Variants in AEBP2 observed in about 807,000 individuals in gnomAD.
The protein encoded by AEBP2 is zinc finger protein AEBP2.
Under a neutral mutation model 50.8 loss-of-function variants are expected in AEBP2, and 10 were observed. The ratio of observed to expected loss-of-function variants is 0.20; its 90% confidence interval spans 0.12 to 0.33. The LOEUF (loss-of-function observed/expected upper bound fraction) is 0.33, where lower values mean the gene tolerates loss of function less well. AEBP2 is among the 10% of genes least tolerant of loss of function. The pLI is 1.00. For missense variants in AEBP2, 570 were observed against 688.0 expected, an observed-to-expected ratio of 0.83 and a Z score of 1.92; for synonymous variants, 296 against 261.3, an observed-to-expected ratio of 1.13 and a Z score of -1.28.
intron 1 of AEBP2, among the ~76,000 whole-genome samples, chr12:19,433,518 G>A (rs1470605994): frequency 6.6e-6 from 1 of 152,186 alleles, no homozygotes; most frequent in African/African-American, 2.4e-5. Flanking sequence ...GGTGGTTCAT[G>A]CCTGTAATCC....
At chr12:19,457,234 T>A (rs1948284876) in intron 1 of AEBP2, 1 of 1,598,070 alleles carries the variant, frequency 6.3e-7, no homozygotes, top group Non-Finnish European at 8.5e-7. Flanking sequence ...GGCATGCTCC[T>A]AGGTTTGTCC....
At chr12:19,417,510 G>A (rs941585924) in intron 1 of AEBP2, among the ~76,000 whole-genome samples, 3 of 151,944 alleles carry the variant, frequency 2.0e-5, no homozygotes, top group South Asian at 2.1e-4. Flanking sequence ...GGGCTCAACC[G>A]ATTCTCCTGC....
chr12:19,494,143 CAT>C (rs1490512046), intron 4 of AEBP2, among the ~76,000 whole-genome samples, 157 bp downstream of exon 4: 4 of 152,130 alleles, frequency 2.6e-5, no homozygotes, highest in African/African-American at 9.7e-5. Context: ...TTCAGTGGCA[CAT>C]GTTTGTAGTA....
chr12:19,465,559 T>A (rs1392304040), intron 2 of AEBP2, among the ~76,000 whole-genome samples: 2 of 152,072 alleles, frequency 1.3e-5, no homozygotes, highest in Non-Finnish European at 2.9e-5. Context: ...ATATAGACTA[T>A]GGTTTGTTTG....
intron 5 of AEBP2, among the ~76,000 whole-genome samples, chr12:19,505,539 G>T (rs554827510): frequency 3.3e-5 from 5 of 152,242 alleles, no homozygotes; most frequent in African/African-American, 9.6e-5. Flanking sequence ...TATTAGTGGG[G>T]TATAAGCATT....
At chr12:19,442,536 A>C (rs1947980800) in intron 1 of AEBP2, among the ~76,000 whole-genome samples, 1 of 152,224 alleles carries the variant, frequency 6.6e-6, no homozygotes, top group South Asian at 2.1e-4. Flanking sequence ...ATTTGACATT[A>C]ATGAGATATT....
At chr12:19,498,618 T>C (rs1005362028) in intron 4 of AEBP2, among the ~76,000 whole-genome samples, 6 of 152,148 alleles carry the variant, frequency 3.9e-5, no homozygotes, top group Non-Finnish European at 8.8e-5. Context: ...ATTAGTGAAA[T>C]TGAATTTTCA....
chr12:19,472,744 A>G (rs1948590235), intron 2 of AEBP2, among the ~76,000 whole-genome samples: 1 of 152,112 alleles, frequency 6.6e-6, no homozygotes, highest in Non-Finnish European at 1.5e-5. Context: ...AAAAGATTGT[A>G]ATTTGATAAT....
chr12:19,485,240 A>G (rs1948788875), intron 3 of AEBP2, among the ~76,000 whole-genome samples: 1 of 152,176 alleles, frequency 6.6e-6, no homozygotes, highest in African/African-American at 2.4e-5. Context: ...GAAACTGTAG[A>G]CGTTTCCTAT....
intron 5 of AEBP2, among the ~76,000 whole-genome samples, chr12:19,505,169 G>A (rs75473238): frequency 0.022 from 3,278 of 152,308 alleles, 42 homozygotes; most frequent in East Asian, 0.043. Context: ...CTTGCTCACC[G>A]AGGCTGGTTG....
Position 19,467,981 on chromosome 12 carries a change from A to G in AEBP2, c.879+5264A>G, listed in dbSNP as rs369198383. The stretch of plus-strand genomic sequence containing the variant: ...AGTTAACTATAGCACTCAGGAGGTC[A>G]AGGTTGCAGTGAGCTATAATTGTGC... On this transcript the variant is annotated intron_variant, in intron 2 of 7. Coordinates refer to ENST00000266508, the MANE Select transcript of AEBP2 (RefSeq NM_153207.5). Among the ~76,000 whole-genome samples, 5 of 152,100 alleles carry G rather than the reference A, an allele frequency of 3.3e-5. No individual in the cohort carries two copies. The South Asian group carries it at 1.0e-3, about 32-fold the overall frequency.
At chr12:19,468,810 A>C (rs1202952699) in intron 2 of AEBP2, among the ~76,000 whole-genome samples, 2 of 152,212 alleles carry the variant, frequency 1.3e-5, no homozygotes, top group African/African-American at 2.4e-5. Context: ...TTCTGACAGA[A>C]ACTCAGTACT....
rs1206345118 is a variant in AEBP2 at position 19,500,157 on chromosome 12, G to A, written c.1235G>A (p.Cys412Tyr). 1 of 1,603,502 alleles carries A rather than the reference G, an allele frequency of 6.2e-7. No individual in the cohort carries two copies. Among genetic ancestry groups the A allele is most frequent in the Admixed American group, 1.7e-5 (1 of 58,692 alleles). ...GATGCGATAAGACATCGAGCCATAT[G>A]CTTTAACCTCTCAGCTCATATAGAA... is the stretch of plus-strand genomic sequence containing the variant. ...TLDAIRHRAI[C>Y]FNLSAHIESL... The change falls in exon 5 of 8, where the codon TGC (cysteine) becomes TAC (tyrosine). Residue 412 changes from cysteine to tyrosine, a missense_variant. By Grantham distance (194) the Cys-to-Tyr change is radical. Around this residue, in one of 2 missense-constraint regions of AEBP2, gnomAD observed 184 missense variants for 351.2 expected, o/e 0.52. Transcript: ENST00000266508.
upstream of AEBP2, among the ~76,000 whole-genome samples, chr12:19,435,280 A>ATTTTTTTTTTTTTTT (rs35017794): frequency 7.0e-6 from 1 of 142,902 alleles, no homozygotes; most frequent in Non-Finnish European, 1.5e-5. Context: ...TGACTGGCTA[A>ATTTTTTTTTTTTTTT]TTTTTTTTTT....
intron 1 of AEBP2, among the ~76,000 whole-genome samples, chr12:19,426,801 T>C (rs2095748768): frequency 6.6e-6 from 1 of 151,962 alleles, no homozygotes; most frequent in Non-Finnish European, 1.5e-5. Context: ...CTCAGGAGGC[T>C]GAGGCAGGAG....
chr12:19,508,340 T>G (rs1257386064), intron 5 of AEBP2, among the ~76,000 whole-genome samples: 1 of 152,134 alleles, frequency 6.6e-6, no homozygotes, highest in African/African-American at 2.4e-5. Context: ...GGATTATAGG[T>G]GTGAGCCACT....
At chr12:19,503,329 G>GTA (rs34468058) in intron 5 of AEBP2, among the ~76,000 whole-genome samples, 18,154 of 146,038 alleles carry the variant, frequency 0.12, 1,143 homozygotes, top group Middle Eastern at 0.17. Context: ...GTATTCCTTG[G>GTA]TGTGTGTGTG....
chr12:19,409,034 C>G (rs2095737855), intron 1 of AEBP2, among the ~76,000 whole-genome samples: 1 of 151,630 alleles, frequency 6.6e-6, no homozygotes. Context: ...TCTTTTTTAC[C>G]TGGCATAGAG....
intron 5 of AEBP2, among the ~76,000 whole-genome samples, chr12:19,504,273 C>T (rs1245273422): frequency 3.3e-5 from 5 of 151,158 alleles, no homozygotes; most frequent in African/African-American, 9.8e-5. Flanking sequence ...CTTGCTCTGT[C>T]GCCCAGGCTG....
Sources: allele counts gnomAD v4.1 joint callset (sites outside exome capture counted in the v4.1 genomes callset), GRCh38; gene constraint gnomAD v4.1.1; regional missense constraint gnomAD v4.1.1; transcripts MANE v1.5; gene names NCBI Gene and HGNC (gene_info 2026-07-23, HGNC 2026-07-21).